The following C20orf173 variants were observed in gnomAD, a reference collection of about 807,000 sequenced individuals.
The protein encoded by C20orf173 is chromosome 20 open reading frame 173, also known as uncharacterized protein C20orf173.
C20orf173 carries 22 observed loss-of-function variants against 26.7 expected under a neutral mutation model. That is an observed-to-expected ratio of 0.82 (90% CI 0.59 to 1.18). C20orf173 has a LOEUF of 1.18. Ranked by LOEUF, C20orf173 falls within the 50% of genes most tolerant of loss-of-function variation. The pLI is 0.00. For synonymous variants in C20orf173, 85 were observed against 96.4 expected (o/e 0.88, Z 0.69); for missense variants, 210 against 250.3 (o/e 0.84, Z 1.09).
chr20:35,525,252 TATAAG>T (rs2064496542), downstream of C20orf173, among the ~76,000 whole-genome samples: 2 of 151,920 alleles, frequency 1.3e-5, no homozygotes, highest in Admixed American at 1.3e-4. Flanking sequence ...CTAGTGTGTT[TATAAG>T]ATGAGGGAAA....
chr20:35,527,617 T>C (rs1262796613), intron 5 of C20orf173, among the ~76,000 whole-genome samples: 1 of 67,366 alleles, frequency 1.5e-5, no homozygotes, highest in East Asian at 4.6e-4. Context: ...AGTCAGAACA[T>C]GTATAGTCTT....
At chr20:35,525,040 T>G (rs978664800), downstream of C20orf173, among the ~76,000 whole-genome samples, 2 of 151,252 alleles carry the variant, frequency 1.3e-5, no homozygotes, top group African/African-American at 4.9e-5. Flanking sequence ...GTGTAGGAGA[T>G]AAAACATTCT....
chr20:35,526,492 G>A (rs147390544), downstream of C20orf173, among the ~76,000 whole-genome samples: 86 of 151,972 alleles, frequency 5.7e-4, no homozygotes, highest in African/African-American at 1.9e-3. Context: ...AACTGGGTGT[G>A]GTGACATGCA....
At chr20:35,528,158 G>T in intron 5 of C20orf173, 75 bp downstream of exon 5, 1 of 1,288,840 alleles carries the variant, frequency 7.8e-7, no homozygotes, top group Non-Finnish European at 1.1e-6. Context: ...GGGAGGAAGG[G>T]GGAGGGAACT....
In C20orf173 at chr20:35,528,562, T is replaced by A. The variant is rs2064523278; in HGVS notation, c.489-18A>T. The A allele has an allele frequency of 6.4e-7, 1 of 1,551,176 alleles. No homozygotes were observed. The highest frequency in any genetic ancestry group is 8.7e-7 in the Non-Finnish European group (1 of 1,146,722). Reference sequence around the variant, plus strand: ...TGGCATTCCTGGGATAGATGAAGCATTGTGTGTGGTTTGGTTCCCCACGTC... The same window carrying A: ...TGGCATTCCTGGGATAGATGAAGCAATGTGTGTGGTTTGGTTCCCCACGTC... On this transcript the variant is annotated intron_variant, in intron 3 of 5. Transcript: ENST00000444723.
intron 2 of C20orf173, 34 bp downstream of exon 2, chr20:35,529,031 G>A (rs2064529553): frequency 6.5e-7 from 1 of 1,541,706 alleles, no homozygotes; most frequent in African/African-American, 1.4e-5. Context: ...GGAAAGCATG[G>A]GGGATATGGC....
At position 35,528,862 on chromosome 20, in the gene C20orf173, G is replaced by T; in HGVS notation, c.327C>A (p.Ser109Arg). 1.3e-6 allele frequency: 2 copies of T among 1,551,354 alleles called. No individual in the cohort carries two copies. Among genetic ancestry groups the T allele is most frequent in the Non-Finnish European group, 8.7e-7 (1 of 1,146,908 alleles). Residue 109 changes from serine to arginine, a missense_variant, in exon 3 of 6, where the codon AGC (serine) becomes AGA (arginine). Ser to Arg is a moderately radical substitution (Grantham distance 110). Transcript: ENST00000444723. Reference protein sequence around the residue: ...VLWWLGMNSGSELGKLWRKLF... With the variant: ...VLWWLGMNSGRELGKLWRKLF... The stretch of plus-strand genomic sequence containing the variant: ...GCTTCCTCCACAATTTCCCAAGCTC[G>T]CTCCCTGAGTTCATGCCCTGGAAAC...
In C20orf173 at chr20:35,529,251, T is replaced by C. The variant is rs1316391929; in HGVS notation, c.123A>G (p.Pro41=). The change falls in exon 2 of 6, where the codon CCA becomes CCG. Residue 41 remains proline, a synonymous_variant. Coordinates refer to ENST00000444723, the MANE Select transcript of C20orf173 (RefSeq NM_001145350.2). ...APQEKRMYLV[P]QHCDCPWFSS... ...TGAACCAAGGGCAGTCGCAATGCTG[T>C]GGTACCAAGTACATTCGTTTTTCCT... The C allele has an allele frequency of 1.3e-6, 2 of 1,551,544 alleles. No individual in the cohort carries two copies. Among genetic ancestry groups the C allele is most frequent in the Admixed American group, 2.0e-5 (1 of 50,962 alleles).
downstream of C20orf173, among the ~76,000 whole-genome samples, chr20:35,521,444 G>A (rs1008944725): frequency 6.6e-6 from 1 of 152,070 alleles, no homozygotes; most frequent in Non-Finnish European, 1.5e-5. Flanking sequence ...GAGGGAGCAA[G>A]GTGTGAGAAG....
chr20:35,524,676 A>G (rs2064493088), downstream of C20orf173, among the ~76,000 whole-genome samples: 1 of 151,574 alleles, frequency 6.6e-6, no homozygotes, highest in East Asian at 1.9e-4. Context: ...ATGAACTAAG[A>G]CTACCTTTTT....
At chr20:35,521,891 AG>A (rs1418988018), downstream of C20orf173, 2 of 152,718 alleles carry the variant, frequency 1.3e-5, no homozygotes, top group Non-Finnish European at 2.9e-5. Context: ...TACAGGCGTG[AG>A]CCCCCATGCC....
chr20:35,527,625 C>CTT (rs797025506), intron 5 of C20orf173, among the ~76,000 whole-genome samples: 3,235 of 148,352 alleles, frequency 0.022, 111 homozygotes, highest in Admixed American at 0.08. Context: ...CATGTATAGT[C>CTT]TTTTTTTTTT....
chr20:35,527,766 G>T (rs1196949846), intron 5 of C20orf173, among the ~76,000 whole-genome samples: 2 of 152,104 alleles, frequency 1.3e-5, no homozygotes, highest in Non-Finnish European at 2.9e-5. Context: ...CTACAGGCAT[G>T]CCTGGCTATT....
chr20:35,529,565 A>C lies in C20orf173; in HGVS notation c.-58T>G. The C allele has an allele frequency of 1.6e-6, 1 of 606,138 alleles. No individual in the cohort carries two copies. The allele number at this position is 606,138 out of a possible 1,614,324, so 37.5% of individuals were successfully genotyped here. On this transcript the variant is annotated 5_prime_UTR_variant, in exon 1 of 6. Transcript: ENST00000444723. ...TCACTATCCATTTGCTCACCCTCAA[A>C]ACGGTCTCTGACTGGGCATGGGGTG...
chr20:35,525,600 T>C (rs1451212967), downstream of C20orf173, among the ~76,000 whole-genome samples: 1 of 152,094 alleles, frequency 6.6e-6, no homozygotes, highest in African/African-American at 2.4e-5. Flanking sequence ...CAGGGGAGTA[T>C]GCCATGTGAA....
rs535221514 is a variant in C20orf173 at position 35,528,726 on chromosome 20, T to C, written c.463A>G (p.Ile155Val). Residue 155 changes from isoleucine to valine, a missense_variant, in exon 3 of 6, where the codon ATC (isoleucine) becomes GTC (valine). Coordinates refer to ENST00000444723, the MANE Select transcript of C20orf173 (RefSeq NM_001145350.2). Reference protein sequence around the residue: ...IPQGSSLGNDIDQYPVVFRNA... With the variant: ...IPQGSSLGNDVDQYPVVFRNA... ...CTGAAAACCACGGGGTATTGGTCGA[T>C]GTCGTTGCCAAGGCTGGAGCCCTGC... 190 of 1,539,722 alleles carry C rather than the reference T, an allele frequency of 1.2e-4. No individual in the cohort carries two copies. The African/African-American group carries it at 2.3e-3, about 18-fold the overall frequency.
At chr20:35,524,444 AG>A (rs2064492055), downstream of C20orf173, among the ~76,000 whole-genome samples, 1 of 152,230 alleles carries the variant, frequency 6.6e-6, no homozygotes. Flanking sequence ...AGTTACAATA[AG>A]CATAGTGAAA....
At chr20:35,523,809 A>C (rs999124973), downstream of C20orf173, among the ~76,000 whole-genome samples, 6 of 152,194 alleles carry the variant, frequency 3.9e-5, no homozygotes, top group Non-Finnish European at 8.8e-5. Context: ...AGCAGGAGGC[A>C]AAGAGGGAAA....
downstream of C20orf173, among the ~76,000 whole-genome samples, chr20:35,523,976 T>C (rs542976361): frequency 2.2e-4 from 33 of 152,308 alleles, no homozygotes; most frequent in Non-Finnish European, 4.3e-4. Flanking sequence ...TTGATACCTT[T>C]AGCCCTTAAC....
Sources: gnomAD v4.1 joint callset for allele counts (sites outside exome capture counted in the v4.1 genomes callset) on GRCh38, gnomAD v4.1.1 for gene constraint, MANE v1.5 for transcripts, NCBI Gene and HGNC (gene_info 2026-07-23, HGNC 2026-07-21) for gene names.